KCNJ5: variants seen among roughly 807,000 people sequenced by gnomAD.
KCNJ5 encodes G protein-activated inward rectifier potassium channel 4.
A neutral mutation model predicts 20.2 loss-of-function variants in KCNJ5; 12 were observed. That is an observed-to-expected ratio of 0.59 (90% CI 0.38 to 0.96). The LOEUF (loss-of-function observed/expected upper bound fraction) is 0.96, where lower values mean the gene tolerates loss of function less well. Ranked by LOEUF, KCNJ5 falls within the 40% of genes least tolerant of loss-of-function variation. The pLI, the probability that KCNJ5 is intolerant of heterozygous loss-of-function variation, is 0.00. For missense variants in KCNJ5, 449 were observed against 557.6 expected, an observed-to-expected ratio of 0.81 and a Z score of 1.96; for synonymous variants, 210 against 213.9, an observed-to-expected ratio of 0.98 and a Z score of 0.16.
chr11:128,904,572 C>A lies in KCNJ5; in HGVS notation c.-10-6692C>A, dbSNP rs368037087. On this transcript the variant is annotated intron_variant, in intron 1 of 2. Transcript: ENST00000529694. The stretch of plus-strand genomic sequence containing the variant: ...AGGACCAGCCGCGTCAACATCACTG[C>A]GGCTTCTTAGCAAAACCGCGGACTC... 2.0e-4 allele frequency: 211 copies of A among 1,031,952 alleles called. No individual in the cohort carries two copies. The African/African-American group carries it at 2.8e-3, about 14-fold the overall frequency. 63.9% of individuals were successfully genotyped at this position (1,031,952 alleles called of 1,614,324 possible).
chr11:128,895,178 C>T (rs1325540610), intron 1 of KCNJ5, among the ~76,000 whole-genome samples: 5 of 152,070 alleles, frequency 3.3e-5, no homozygotes, highest in African/African-American at 7.2e-5. Context: ...CTTGGCGGTC[C>T]GGGGCTGGGT....
At chr11:128,891,970 C>A (rs1258333791) in intron 1 of KCNJ5, among the ~76,000 whole-genome samples, 1 of 152,244 alleles carries the variant, frequency 6.6e-6, no homozygotes, top group Non-Finnish European at 1.5e-5. Context: ...GGCACTAGAC[C>A]AGGGCTACCT....
At chr11:128,895,387 C>A (rs71471483) in intron 1 of KCNJ5, among the ~76,000 whole-genome samples, 3 of 150,226 alleles carry the variant, frequency 2.0e-5, no homozygotes, top group South Asian at 2.1e-4. Flanking sequence ...CCCCCACCCC[C>A]CCCCCAACCC....
At chr11:128,903,152 G>T (rs752193591) in intron 1 of KCNJ5, among the ~76,000 whole-genome samples, 5 of 152,118 alleles carry the variant, frequency 3.3e-5, no homozygotes, top group Non-Finnish European at 7.4e-5. Context: ...CCCAGGGCAA[G>T]TTTTGGTTGC....
intron 1 of KCNJ5, chr11:128,910,047 G>A (rs1305093032): frequency 1.3e-5 from 2 of 152,146 alleles, no homozygotes; most frequent in East Asian, 3.9e-4. Flanking sequence ...TGAAAAATGG[G>A]GGGATAATAA....
At chr11:128,901,022 C>T (rs1944266883) in intron 1 of KCNJ5, 1 of 152,148 alleles carries the variant, frequency 6.6e-6, no homozygotes, top group Non-Finnish European at 1.5e-5. Flanking sequence ...TTAGGATTTC[C>T]ACAAATATTT....
chr11:128,898,556 TTCC>T (rs2135984343), intron 1 of KCNJ5, among the ~76,000 whole-genome samples: 1 of 152,386 alleles, frequency 6.6e-6, no homozygotes, highest in South Asian at 2.1e-4. Context: ...TGTTCTTTGT[TTCC>T]TCCTCCTCAG....
At chr11:128,898,531 G>T (rs1167746353) in intron 1 of KCNJ5, among the ~76,000 whole-genome samples, 1 of 152,242 alleles carries the variant, frequency 6.6e-6, no homozygotes, top group African/African-American at 2.4e-5. Context: ...GTTCCCTTCA[G>T]CTGGGTCTCT....
intron 1 of KCNJ5, among the ~76,000 whole-genome samples, chr11:128,906,540 G>A (rs1944419110): frequency 6.6e-6 from 1 of 152,190 alleles, no homozygotes; most frequent in African/African-American, 2.4e-5. Context: ...TCAAGCTCCT[G>A]TGGTTCTGGC....
rs1476472700 is a variant in KCNJ5 at position 128,919,371 on chromosome 11, G to A, written c.*2640G>A. 2 of 152,288 alleles carry A rather than the reference G, an allele frequency of 1.3e-5. No individual in the cohort carries two copies. The highest frequency in any genetic ancestry group is 2.9e-5 in the Non-Finnish European group (2 of 68,100). The allele number at this position is 152,288 out of a possible 1,614,324, so 9.4% of individuals were successfully genotyped here. ...CCAAGTCTAGAAGCTCTGGCTAGAGGAGAGGAAGCGTGCAGAGGGTCCTCT... is the reference window on the plus strand; with the variant it reads ...CCAAGTCTAGAAGCTCTGGCTAGAGAAGAGGAAGCGTGCAGAGGGTCCTCT... On this transcript the variant is annotated 3_prime_UTR_variant, in exon 3 of 3. Coordinates refer to ENST00000529694, the MANE Select transcript of KCNJ5 (RefSeq NM_000890.5).
chr11:128,894,945 G>C (rs1944148707), intron 1 of KCNJ5, among the ~76,000 whole-genome samples: 1 of 152,240 alleles, frequency 6.6e-6, no homozygotes, highest in Admixed American at 6.5e-5. Flanking sequence ...TGCTTAAAAT[G>C]TTAACTTCCA....
chr11:128,905,869 C>T (rs1171496819), intron 1 of KCNJ5: 1 of 152,218 alleles, frequency 6.6e-6, no homozygotes, highest in Non-Finnish European at 1.5e-5. Context: ...GAGCCTGCAG[C>T]ACTAGCCGTG....
Position 128,911,055 on chromosome 11 carries a change from C to T in KCNJ5, c.-10-209C>T. ...CATTCAACAAACAGCTAGCAAGCAT[C>T]TATTTTGTGCTAGACTCTGTACTAG... On this transcript the variant is annotated intron_variant, in intron 1 of 2. Coordinates refer to ENST00000529694, the MANE Select transcript of KCNJ5 (RefSeq NM_000890.5). The surrounding 1 kb of genome is among the most constrained non-coding windows in gnomAD (Gnocchi z 6.3). 1.7e-6 allele frequency: 1 copy of T among 585,320 alleles called. No individual in the cohort carries two copies. Among genetic ancestry groups the T allele is most frequent in the East Asian group, 2.8e-5 (1 of 35,504 alleles). 36.3% of individuals were successfully genotyped at this position (585,320 alleles called of 1,614,324 possible).
chr11:128,914,722 C>T (rs569521713), intron 2 of KCNJ5, among the ~76,000 whole-genome samples: 1 of 152,342 alleles, frequency 6.6e-6, no homozygotes, highest in African/African-American at 2.4e-5. Flanking sequence ...CTATACCTGA[C>T]ACCTGGGGAA....
At chr11:128,913,279 C>T (rs892895263) in intron 2 of KCNJ5, among the ~76,000 whole-genome samples, 2 of 152,024 alleles carry the variant, frequency 1.3e-5, no homozygotes, top group African/African-American at 4.8e-5. Flanking sequence ...TCCTTTCTCA[C>T]AAAAAAACAG....
chr11:128,902,594 A>AGG, intron 1 of KCNJ5: 1 of 1,612,770 alleles, frequency 6.2e-7, no homozygotes, highest in Admixed American at 1.7e-5. Context: ...ATGGGCACTG[A>AGG]GGGGGTAGCC....
At chr11:128,899,379 C>G (rs1310202408) in intron 1 of KCNJ5, among the ~76,000 whole-genome samples, 1 of 152,210 alleles carries the variant, frequency 6.6e-6, no homozygotes, top group Admixed American at 6.5e-5. Flanking sequence ...TTCTGTGGCT[C>G]TTTCTCACAT....
At position 128,894,423 on chromosome 11, in the gene KCNJ5, C is replaced by A. The variant is rs1030417389; in HGVS notation, c.-11+2702C>A. On this transcript the variant is annotated intron_variant, in intron 1 of 2. Coordinates refer to ENST00000529694, the MANE Select transcript of KCNJ5 (RefSeq NM_000890.5). ...GGAATCCATAGGTAGTTCAAAGGGG[C>A]CATTTTTGGATGAAAATGTTCACTG... is the stretch of plus-strand genomic sequence containing the variant. Among the ~76,000 whole-genome samples the A allele has an allele frequency of 2.6e-5, 4 of 152,038 alleles. No individual in the cohort carries two copies. In the East Asian group the frequency reaches 5.8e-4, roughly 22 times the overall value.
In KCNJ5 at chr11:128,917,592, GTTTTGTTTTGT is replaced by G. The variant is rs1944604627; in HGVS notation, c.*865_*875del. The G allele has an allele frequency of 1.3e-4, 1 of 7,894 alleles. No individual in the cohort carries two copies. Among genetic ancestry groups the G allele is most frequent in the African/African-American group, 4.6e-4 (1 of 2,188 alleles). 0.5% of individuals were successfully genotyped at this position (7,894 alleles called of 1,614,324 possible). A position where few individuals can be genotyped will look rare whatever the true frequency, so the allele number is the denominator to read the frequency against. On this transcript the variant is annotated 3_prime_UTR_variant, in exon 3 of 3. Coordinates refer to ENST00000529694, the MANE Select transcript of KCNJ5 (RefSeq NM_000890.5). ...TTCTAATCATCACAGTAGTTTTTGT[GTTTTGTTTTGT>G]TTTGTTTTGTTTTGTTTTGTTTTGT...
Sources: gnomAD v4.1 joint callset for allele counts (sites outside exome capture counted in the v4.1 genomes callset) on GRCh38, gnomAD v4.1.1 for gene constraint, Gnocchi (gnomAD v3.1) non-coding constraint, MANE v1.5 for transcripts, NCBI Gene and HGNC (gene_info 2026-07-23, HGNC 2026-07-21) for gene names.